The following SLFN12 variants were observed in gnomAD, a reference collection of about 807,000 sequenced individuals.
SLFN12 encodes ribonuclease SLFN12.
In SLFN12, 25 loss-of-function variants were observed where a neutral mutation model predicts 29.1. The observed-to-expected ratio is 0.86, with a 90% confidence interval of 0.63 to 1.20. SLFN12 has a LOEUF of 1.20. Among genes scored for constraint, SLFN12 ranks in the 50% most tolerant of loss-of-function variants. The probability of loss-of-function intolerance (pLI) is 0.00; values close to 1 mark genes in which losing one functional copy is unlikely to be tolerated. For synonymous variants in SLFN12, 257 were observed against 238.7 expected (o/e 1.08, Z -0.71); for missense variants, 660 against 666.2 (o/e 0.99, Z 0.10).
intron 3 of SLFN12, among the ~76,000 whole-genome samples, chr17:35,415,927 C>T (rs1439101021): frequency 6.6e-6 from 1 of 152,104 alleles, no homozygotes; most frequent in Non-Finnish European, 1.5e-5. Flanking sequence ...ACTATTACAA[C>T]CACTGTGGAA....
Position 35,423,038 on chromosome 17 carries a change from A to G in SLFN12, c.-10T>C, listed in dbSNP as rs1433812885. On this transcript the variant is annotated 5_prime_UTR_variant, in exon 2 of 4. Transcript: ENST00000304905. Reference sequence around the variant, plus strand: ...CAACACTGATGTTCATTTTCCCAGCAGCTATGCAGTGTCCAAGCAGAAATT... The same window carrying G: ...CAACACTGATGTTCATTTTCCCAGCGGCTATGCAGTGTCCAAGCAGAAATT... 6.3e-7 allele frequency: 1 copy of G among 1,597,736 alleles called. No individual in the cohort carries two copies. The highest frequency in any genetic ancestry group is 1.7e-5 in the Admixed American group (1 of 58,542).
rs1436866343 is a variant in SLFN12, at chr17:35,422,292, T to A, written c.737A>T (p.Glu246Val). The A allele has an allele frequency of 1.2e-6, 2 of 1,613,782 alleles. No homozygotes were observed. Among genetic ancestry groups the A allele is most frequent in the African/African-American group, 2.7e-5 (2 of 74,914 alleles). ...CATCTCTGCTTTAAAGCCAATTATT[T>A]CTTTATCTTCATTTAAACCAATGAA... is the stretch of plus-strand genomic sequence containing the variant. ...YLFIGLNEDKEIIGFKAEMSD... is the reference protein window; with the variant it reads ...YLFIGLNEDKVIIGFKAEMSD... Residue 246 changes from glutamate to valine, a missense_variant, in exon 2 of 4, where the codon GAA (glutamate) becomes GTA (valine). Transcript: ENST00000304905.
At chr17:35,415,346 C>G (rs986404451) in intron 3 of SLFN12, among the ~76,000 whole-genome samples, 5 of 152,062 alleles carry the variant, frequency 3.3e-5, no homozygotes, top group African/African-American at 1.2e-4. Context: ...CATCTCTCAC[C>G]TTATACAAAA....
chr17:35,416,817 G>C (rs1196641342), intron 3 of SLFN12, among the ~76,000 whole-genome samples: 1 of 152,048 alleles, frequency 6.6e-6, no homozygotes, highest in Non-Finnish European at 1.5e-5. Context: ...GCCCTGATAG[G>C]CTGAGGCAGT....
At chr17:35,416,708 A>G (rs1014002018) in intron 3 of SLFN12, among the ~76,000 whole-genome samples, 1 of 152,132 alleles carries the variant, frequency 6.6e-6, no homozygotes, top group African/African-American at 2.4e-5. Flanking sequence ...AAAATATCTT[A>G]CCAAAATTAA....
intron 1 of SLFN12, 113 bp from the exon 2 acceptor site, chr17:35,423,181 T>A: frequency 8.2e-7 from 1 of 1,220,812 alleles, no homozygotes; most frequent in Non-Finnish European, 1.1e-6. Context: ...ACTAGACTGG[T>A]AAGTATATGG....
chr17:35,421,181 C>T (rs1034547132), intron 2 of SLFN12, among the ~76,000 whole-genome samples: 2 of 150,906 alleles, frequency 1.3e-5, no homozygotes, highest in African/African-American at 4.9e-5. Context: ...TGCACTCCAG[C>T]CTGGGTGACA....
chr17:35,418,237 A>C (rs918775037), intron 3 of SLFN12, among the ~76,000 whole-genome samples: 2 of 152,134 alleles, frequency 1.3e-5, no homozygotes, highest in African/African-American at 4.8e-5. Context: ...CAATTTGATC[A>C]AGGAAACATA....
At chr17:35,420,858 GCTA>G (rs1465755192) in intron 2 of SLFN12, 2 of 152,274 alleles carry the variant, frequency 1.3e-5, no homozygotes, top group Non-Finnish European at 2.9e-5. Flanking sequence ...ACAAATTAGG[GCTA>G]CTACTTGGCT....
chr17:35,427,626 C>CATGT (rs1157362845), intron 1 of SLFN12, among the ~76,000 whole-genome samples: 5 of 152,032 alleles, frequency 3.3e-5, no homozygotes, highest in Non-Finnish European at 7.4e-5. Flanking sequence ...CTTGCTTTTC[C>CATGT]ATGTATCAAT....
intron 3 of SLFN12, among the ~76,000 whole-genome samples, chr17:35,415,112 T>C (rs1960654): frequency 0.046 from 6,959 of 152,130 alleles, 256 homozygotes; most frequent in East Asian, 0.16. Context: ...GACTTCAAAT[T>C]ATGCTACAAA....
At chr17:35,412,059 C>A in intron 3 of SLFN12, 132 bp from the exon 4 acceptor site, 1 of 655,892 alleles carries the variant, frequency 1.5e-6, no homozygotes, top group East Asian at 3.0e-5. Flanking sequence ...TATATTCAAA[C>A]AATAATTTAA....
chr17:35,426,490 G>T (rs1347806712), intron 1 of SLFN12, among the ~76,000 whole-genome samples: 1 of 152,016 alleles, frequency 6.6e-6, no homozygotes, highest in East Asian at 1.9e-4. Flanking sequence ...TGAGATGAGG[G>T]TCTAACTTCA....
At chr17:35,428,971 G>A (rs967307110) in intron 1 of SLFN12, among the ~76,000 whole-genome samples, 1 of 152,044 alleles carries the variant, frequency 6.6e-6, no homozygotes, top group Admixed American at 6.6e-5. Context: ...AAGGCTGCAG[G>A]AGAATCAGTT....
rs183475480 is a variant in SLFN12, at chr17:35,417,006, C to T, written c.1147+3268G>A. ...ACAATTTCAAGCATATCATTCTAAT[C>T]TTATATAAATTTTTTCAAAGGATAG... On this transcript the variant is annotated intron_variant, in intron 3 of 3. Coordinates refer to ENST00000304905, the MANE Select transcript of SLFN12 (RefSeq NM_018042.5). 4.6e-5 allele frequency among the ~76,000 whole-genome samples: 7 copies of T among 152,160 alleles called. No homozygotes were observed. The East Asian group carries it at 1.3e-3, about 29-fold the overall frequency.
intron 3 of SLFN12, among the ~76,000 whole-genome samples, chr17:35,417,852 T>TA (rs900369806): frequency 3.3e-5 from 5 of 151,688 alleles, no homozygotes; most frequent in South Asian, 2.1e-4. Flanking sequence ...ATGGAACTTT[T>TA]AAAAAAAATA....
intron 1 of SLFN12, among the ~76,000 whole-genome samples, chr17:35,429,385 G>A (rs1912187105): frequency 6.6e-6 from 1 of 152,056 alleles, no homozygotes; most frequent in South Asian, 2.1e-4. Flanking sequence ...CTGCCTTCAA[G>A]CATACATCTG....
intron 2 of SLFN12, 81 bp from the exon 3 acceptor site, chr17:35,420,462 G>A: frequency 1.2e-6 from 1 of 826,372 alleles, no homozygotes; most frequent in Non-Finnish European, 1.9e-6. Context: ...TATATTAAAA[G>A]TCTACTTGTA....
intron 3 of SLFN12, among the ~76,000 whole-genome samples, chr17:35,419,372 T>G (rs567409341): frequency 1.4e-4 from 22 of 152,238 alleles, no homozygotes; most frequent in African/African-American, 4.8e-4. Context: ...TTAATACCTA[T>G]GACTAAAAGA....
Sources: allele counts gnomAD v4.1 joint callset (sites outside exome capture counted in the v4.1 genomes callset), GRCh38; gene constraint gnomAD v4.1.1; transcripts MANE v1.5; gene names NCBI Gene and HGNC (gene_info 2026-07-23, HGNC 2026-07-21).